XKR9: variants seen among roughly 807,000 people sequenced by gnomAD.
XKR9 encodes XK-related protein 9.
A neutral mutation model predicts 32.0 loss-of-function variants in XKR9; 32 were observed. The observed-to-expected ratio is 1.00, with a 90% CI of 0.76 to 1.34. XKR9 has a LOEUF of 1.34. Among genes scored for constraint, XKR9 ranks in the 40% most tolerant of loss-of-function variants. XKR9 has a pLI of 0.00. For missense variants in XKR9, 546 were observed against 429.7 expected (o/e 1.27, Z -2.39); for synonymous variants, 168 against 143.4 (o/e 1.17, Z -1.22).
intron 2 of XKR9, among the ~76,000 whole-genome samples, chr8:70,755,778 GA>G (rs1334549510): frequency 2.3e-5 from 3 of 128,692 alleles, no homozygotes. Flanking sequence ...GGGAGGGGGG[GA>G]GGGTTAGCAT....
chr8:71,015,185 T>C, the XKR9 span, among the ~76,000 whole-genome samples: 2 of 152,198 alleles, frequency 1.3e-5, no homozygotes, highest in South Asian at 2.1e-4. Context: ...TCAACTCTTC[T>C]AGTATGAAGC....
At chr8:70,927,402 C>G in the XKR9 span, among the ~76,000 whole-genome samples, 1 of 152,132 alleles carries the variant, frequency 6.6e-6, no homozygotes, top group African/African-American at 2.4e-5. Flanking sequence ...TCCATTTGTG[C>G]TGCCATAACA....
chr8:71,006,058 T>C, the XKR9 span, among the ~76,000 whole-genome samples: 3 of 152,246 alleles, frequency 2.0e-5, no homozygotes, highest in Non-Finnish European at 4.4e-5. Flanking sequence ...AAGTATGAAA[T>C]TGCTATATGT....
chr8:70,898,784 T>A, the XKR9 span, among the ~76,000 whole-genome samples: 8 of 152,210 alleles, frequency 5.3e-5, no homozygotes, highest in African/African-American at 1.9e-4. Context: ...AATGGATATT[T>A]TCACTGGATA....
chr8:70,988,356 A>G, the XKR9 span, among the ~76,000 whole-genome samples: 47,066 of 149,864 alleles, frequency 0.31, 8,710 homozygotes, highest in Non-Finnish European at 0.43. Flanking sequence ...AAAGAACTAA[A>G]CAGAAAAAAA....
chr8:71,043,171 T>TC, the XKR9 span, among the ~76,000 whole-genome samples: 2 of 152,098 alleles, frequency 1.3e-5, no homozygotes, highest in African/African-American at 2.4e-5. Context: ...AATTCACTGT[T>TC]CCCCCAGTGC....
intron 2 of XKR9, among the ~76,000 whole-genome samples, chr8:70,778,888 C>T (rs1352017074): frequency 6.6e-6 from 1 of 152,186 alleles, no homozygotes. Context: ...GTTATGTCAT[C>T]TGCAAACAGA....
At chr8:71,044,696 C>T in the XKR9 span, among the ~76,000 whole-genome samples, 1 of 152,096 alleles carries the variant, frequency 6.6e-6, no homozygotes, top group Non-Finnish European at 1.5e-5. Flanking sequence ...AATTCATTTC[C>T]TATGCCTTGC....
the XKR9 span, among the ~76,000 whole-genome samples, chr8:70,947,854 A>T: frequency 1.3e-5 from 2 of 152,176 alleles, no homozygotes; most frequent in African/African-American, 4.8e-5. Context: ...TTCTCTTCTT[A>T]TTTTCCTAAA....
chr8:70,942,744 G>T, the XKR9 span, among the ~76,000 whole-genome samples: 119 of 152,156 alleles, frequency 7.8e-4, no homozygotes, highest in African/African-American at 2.6e-3. Context: ...TTTTAGGCTT[G>T]TTACCAGGAT....
chr8:70,751,246 C>T (rs961392462), intron 2 of XKR9, among the ~76,000 whole-genome samples: 1 of 152,174 alleles, frequency 6.6e-6, no homozygotes, highest in Non-Finnish European at 1.5e-5. Context: ...TCTCCCGCCT[C>T]AGCCTCCCAA....
chr8:71,010,295 C>T, the XKR9 span, among the ~76,000 whole-genome samples: 1 of 152,148 alleles, frequency 6.6e-6, no homozygotes, highest in Admixed American at 6.5e-5. Flanking sequence ...TGAGCAATTC[C>T]ACCTTTGGAC....
chr8:70,866,824 T>C, the XKR9 span, among the ~76,000 whole-genome samples: 1 of 152,150 alleles, frequency 6.6e-6, no homozygotes, highest in Non-Finnish European at 1.5e-5. Flanking sequence ...AAATAATAGT[T>C]ATCATTTATT....
chr8:70,964,769 G>C, the XKR9 span, among the ~76,000 whole-genome samples: 3 of 151,882 alleles, frequency 2.0e-5, no homozygotes, highest in Non-Finnish European at 4.4e-5. Flanking sequence ...TTGGTGTAGA[G>C]GGATGGTAGC....
At chr8:70,967,065 C>CTTTTTTTTTTTTT in the XKR9 span, among the ~76,000 whole-genome samples, 116 of 101,268 alleles carry the variant, frequency 1.1e-3, 17 homozygotes, top group African/African-American at 3.8e-3. Context: ...GATCTTGACT[C>CTTTTTTTTTTTTT]TTTTTTTTTT....
At chr8:71,035,770 A>G in the XKR9 span, among the ~76,000 whole-genome samples, 3 of 152,176 alleles carry the variant, frequency 2.0e-5, no homozygotes, top group African/African-American at 7.2e-5. Flanking sequence ...GAAACAGCAG[A>G]AGCAGGAAGA....
Position 70,735,063 on chromosome 8 carries a change from T to C in XKR9, c.*639T>C, listed in dbSNP as rs1156321656. 3.9e-5 allele frequency: 6 copies of C among 152,172 alleles called. No individual in the cohort carries two copies. The highest frequency in any genetic ancestry group is 7.4e-5 in the Non-Finnish European group (5 of 68,020). The allele number at this position is 152,172 out of a possible 1,614,324, so 9.4% of individuals were successfully genotyped here. Reference sequence around the variant, plus strand: ...ATTAATCCTATTTGTGCTAGAATAGTTGTATCTAAATCATATTTTAAAATT... The same window carrying C: ...ATTAATCCTATTTGTGCTAGAATAGCTGTATCTAAATCATATTTTAAAATT... On this transcript the variant is annotated 3_prime_UTR_variant, in exon 5 of 5. Transcript: ENST00000408926.
At chr8:70,762,421 C>T (rs943626158) in intron 2 of XKR9, among the ~76,000 whole-genome samples, 7 of 152,152 alleles carry the variant, frequency 4.6e-5, no homozygotes, top group Non-Finnish European at 8.8e-5. Context: ...AGCATTACCA[C>T]CTGAGCTCCA....
the XKR9 span, among the ~76,000 whole-genome samples, chr8:71,015,364 C>T: frequency 4.6e-5 from 7 of 152,272 alleles, no homozygotes; most frequent in East Asian, 1.4e-3. Context: ...TGCAAGCACG[C>T]TCTCCCCACT....
Sources: gnomAD v4.1 joint callset for allele counts (sites outside exome capture counted in the v4.1 genomes callset) on GRCh38, gnomAD v4.1.1 for gene constraint, MANE v1.5 for transcripts, NCBI Gene and HGNC (gene_info 2026-07-23, HGNC 2026-07-21) for gene names.